The following MYOM2 variants were observed in gnomAD, a reference collection of about 807,000 sequenced individuals.
The protein encoded by MYOM2 is myomesin 2.
Under a neutral mutation model 187.6 loss-of-function variants are expected in MYOM2, and 254 were observed. The ratio of observed to expected loss-of-function variants is 1.35; its 90% CI spans 1.22 to 1.50. The LOEUF (loss-of-function observed/expected upper bound fraction) is 1.50. Among genes scored for constraint, MYOM2 ranks in the 40% most tolerant of loss-of-function variants. The pLI is 0.00. For synonymous variants in MYOM2, 981 were observed against 753.8 expected (o/e 1.30, Z -4.94); for missense variants, 2,796 against 1,924.0 (o/e 1.45, Z -8.48).
chr8:2,109,616 T>G, intron 25 of MYOM2, 85 bp downstream of exon 25: 4 of 1,402,148 alleles, frequency 2.9e-6, no homozygotes, highest in South Asian at 1.4e-5. Flanking sequence ...CAACATTCTC[T>G]GTCTGTTTCC....
Position 2,078,755 on chromosome 8 carries a change from T to C in MYOM2, c.1284T>C (p.Asn428=), listed in dbSNP as rs766354960. ...FVDRCEVGTN[N]WVQCNDAPVK... is the part of the protein sequence containing the mutation. Reference sequence around the variant, plus strand: ...GAAGATGTGAAGTAGGAACGAATAATTGGGTGCAGTGCAATGATGCACCGG... The same window carrying C: ...GAAGATGTGAAGTAGGAACGAATAACTGGGTGCAGTGCAATGATGCACCGG... The change falls in exon 12 of 37, where the codon AAT becomes AAC. Residue 428 remains asparagine (N), a synonymous_variant. Transcript: ENST00000262113. 7 of 1,614,082 alleles carry C rather than the reference T, an allele frequency of 4.3e-6. No individual in the cohort carries two copies. The African/African-American group carries it at 8.0e-5, about 18-fold the overall frequency.
In MYOM2 at chr8:2,080,826, A is replaced by G. The variant is rs534610070; in HGVS notation, c.1516+1213A>G. ...GAGGTTGGTTCTGGCCTCCGGGAGG[A>G]ACAGGCAGCCCAGCCCGTGTAGAAT... On this transcript the variant is annotated intron_variant, in intron 13 of 36. Coordinates refer to ENST00000262113, the MANE Select transcript of MYOM2 (RefSeq NM_003970.4). 3.5e-5 allele frequency among the ~76,000 whole-genome samples: 5 copies of G among 144,000 alleles called. No homozygotes were observed. The South Asian group carries it at 6.3e-4, about 18-fold the overall frequency. 94.5% of individuals were successfully genotyped at this position (144,000 alleles called of 152,430 possible). A position where few individuals can be genotyped will look rare whatever the true frequency, so the allele number is the denominator to read the frequency against.
chr8:2,045,901 A>T (rs1037880831), intron 1 of MYOM2, among the ~76,000 whole-genome samples: 1 of 152,280 alleles, frequency 6.6e-6, no homozygotes, highest in Non-Finnish European at 1.5e-5. Context: ...GGGGTTTGCC[A>T]TCACTGGGAA....
At chr8:2,139,281 A>G (rs1798193504) in intron 32 of MYOM2, among the ~76,000 whole-genome samples, 1 of 152,152 alleles carries the variant, frequency 6.6e-6, no homozygotes, top group Non-Finnish European at 1.5e-5. Context: ...AGCTGAGACT[A>G]CAGGTGCTTG....
At chr8:2,119,692 G>T (rs1437039234) in intron 28 of MYOM2, among the ~76,000 whole-genome samples, 1 of 152,124 alleles carries the variant, frequency 6.6e-6, no homozygotes, top group African/African-American at 2.4e-5. Context: ...TTTCCTTCTG[G>T]ATGGAGACGC....
In MYOM2 at chr8:2,069,490, G is replaced by T. The variant is rs1266574442; in HGVS notation, c.786G>T (p.Pro262=). ...DEEPFRSVGL[P]IGLPLSSMIP... ...AACCATTCCGTTCGGTGGGACTCCC[G>T]ATTGGATGTAAGTGGGTTTTTGTTT... Residue 262 remains proline (P), a synonymous_variant, in exon 8 of 37, where the codon CCG becomes CCT. Coordinates refer to ENST00000262113, the MANE Select transcript of MYOM2 (RefSeq NM_003970.4). The T allele has an allele frequency of 6.2e-7, 1 of 1,614,064 alleles. No individual in the cohort carries two copies. Among genetic ancestry groups the T allele is most frequent in the Admixed American group, 1.7e-5 (1 of 60,010 alleles).
chr8:2,050,875 T>G lies in MYOM2; in HGVS notation c.107+2T>G, dbSNP rs992064939. The G allele has an allele frequency of 3.6e-5, 58 of 1,604,872 alleles. No homozygotes were observed. Among genetic ancestry groups the G allele is most frequent in the Non-Finnish European group, 4.4e-5 (51 of 1,172,122 alleles). On this transcript the variant is annotated splice_donor_variant, in intron 2 of 36. Coordinates refer to ENST00000262113, the MANE Select transcript of MYOM2 (RefSeq NM_003970.4). LOFTEE classifies it high-confidence loss of function. ...GCTGGACGAATATGCGTCAAAAAAGTAAGCTGACATTCGCTGATGAGACGC... is the reference window on the plus strand; with the variant it reads ...GCTGGACGAATATGCGTCAAAAAAGGAAGCTGACATTCGCTGATGAGACGC...
chr8:2,126,992 G>T, intron 31 of MYOM2, among the ~76,000 whole-genome samples: 1 of 149,936 alleles, frequency 6.7e-6, no homozygotes, highest in Non-Finnish European at 1.5e-5. Flanking sequence ...GAGGCTGGGG[G>T]AGCACTGGGA....
At chr8:2,064,721 G>C (rs1168776883) in intron 6 of MYOM2, among the ~76,000 whole-genome samples, 1 of 152,230 alleles carries the variant, frequency 6.6e-6, no homozygotes, top group Non-Finnish European at 1.5e-5. Context: ...GGGAGAGGCT[G>C]CTGGCTGGCG....
Position 2,109,487 on chromosome 8 carries a change from A to G in MYOM2, c.3136A>G (p.Ser1046Gly), listed in dbSNP as rs1238902741. Residue 1046 changes from serine to glycine, a missense_variant, in exon 25 of 37, where the codon AGC (serine) becomes GGC (glycine). Ser to Gly is a moderately conservative substitution (Grantham distance 56). Coordinates refer to ENST00000262113, the MANE Select transcript of MYOM2 (RefSeq NM_003970.4). ...GGCTGAGCACTTATCACCAGATGCC[A>G]GCTACCGATTTATTATTAACGACAG... ...LQAEHLSPDASYRFIINDREV... is the reference protein window; with the variant it reads ...LQAEHLSPDAGYRFIINDREV... 2 of 1,613,376 alleles carry G rather than the reference A, an allele frequency of 1.2e-6. No homozygotes were observed. Among genetic ancestry groups the G allele is most frequent in the Admixed American group, 1.7e-5 (1 of 59,890 alleles).
chr8:2,096,435 G>A lies in MYOM2; in HGVS notation c.2313+1G>A, dbSNP rs769494870. 4 of 1,613,650 alleles carry A rather than the reference G, an allele frequency of 2.5e-6. No homozygotes were observed. Among genetic ancestry groups the A allele is most frequent in the Admixed American group, 1.7e-5 (1 of 59,954 alleles). On this transcript the variant is annotated splice_donor_variant, in intron 18 of 36. Transcript: ENST00000262113. LOFTEE classifies it high-confidence loss of function. ...ACCCAGCAAACCGACAATCCTAACG[G>A]TCAGTTGGTTTTTATTCCTTCGTCT...
intron 3 of MYOM2, among the ~76,000 whole-genome samples, chr8:2,054,149 G>A (rs1229790952): frequency 4.6e-5 from 7 of 152,148 alleles, no homozygotes; most frequent in East Asian, 3.9e-4. Flanking sequence ...ACCTCCCAAC[G>A]TGGATATTAG....
At chr8:2,117,781 T>TAC (rs1797297050) in intron 27 of MYOM2, 104 bp from the exon 28 acceptor site, 1 of 693,866 alleles carries the variant, frequency 1.4e-6, no homozygotes, top group Admixed American at 3.1e-5. Flanking sequence ...GTATTATATA[T>TAC]ACACACCATG....
Position 2,140,708 on chromosome 8 carries a change from G to T in MYOM2, c.3801-15G>T. On this transcript the variant is annotated splice_polypyrimidine_tract_variant and intron_variant, in intron 32 of 36. Transcript: ENST00000262113. ...GAGACCCTAACTCAGATACGTTCCT[G>T]TTGCTCTTTTCAAGAGATGCTAAGA... is the stretch of plus-strand genomic sequence containing the variant. 2 of 1,613,014 alleles carry T rather than the reference G, an allele frequency of 1.2e-6. No individual in the cohort carries two copies. The highest frequency in any genetic ancestry group is 8.5e-7 in the Non-Finnish European group (1 of 1,179,382).
Position 2,140,706 on chromosome 8 carries a change from C to A in MYOM2, c.3801-17C>A. On this transcript the variant is annotated splice_polypyrimidine_tract_variant and intron_variant, in intron 32 of 36. Transcript: ENST00000262113. ...TGGAGACCCTAACTCAGATACGTTC[C>A]TGTTGCTCTTTTCAAGAGATGCTAA... 6.2e-7 allele frequency: 1 copy of A among 1,612,732 alleles called. No homozygotes were observed. The highest frequency in any genetic ancestry group is 1.7e-5 in the Admixed American group (1 of 59,850).
At chr8:2,045,480 C>T (rs1314694240) in intron 1 of MYOM2, among the ~76,000 whole-genome samples, 1 of 152,208 alleles carries the variant, frequency 6.6e-6, no homozygotes, top group Non-Finnish European at 1.5e-5. Context: ...AGGGGGCCCC[C>T]CAGTCAGTGG....
intron 6 of MYOM2, among the ~76,000 whole-genome samples, chr8:2,065,306 C>G (rs1031308203): frequency 6.6e-6 from 1 of 152,174 alleles, no homozygotes; most frequent in Non-Finnish European, 1.5e-5. Flanking sequence ...CACGGTGGCT[C>G]ATGCCTGTAA....
In MYOM2 at chr8:2,120,675, T is replaced by TATTTCCTG. The variant is rs1220891042; in HGVS notation, c.3454-2577_3454-2576insATTTCCTG. 1.4e-4 allele frequency among the ~76,000 whole-genome samples: 6 copies of TATTTCCTG among 41,432 alleles called. 2 individuals are homozygous for TATTTCCTG. The highest frequency in any genetic ancestry group is 4.1e-4 in the African/African-American group (6 of 14,770). 27.2% of individuals were successfully genotyped at this position (41,432 alleles called of 152,430 possible). A position where few individuals can be genotyped will look rare whatever the true frequency, so the allele number is the denominator to read the frequency against. On this transcript the variant is annotated intron_variant, in intron 28 of 36. Coordinates refer to ENST00000262113, the MANE Select transcript of MYOM2 (RefSeq NM_003970.4). ...GATTTCCTGTATATATATATATATA[T>TATTTCCTG]TATATTATATATAAATATATAATAT...
At chr8:2,049,059 G>C (rs1818399455) in intron 1 of MYOM2, among the ~76,000 whole-genome samples, 1 of 152,158 alleles carries the variant, frequency 6.6e-6, no homozygotes, top group South Asian at 2.1e-4. Flanking sequence ...CCAAAGTGCT[G>C]GGTTTACAGG....
Sources: gnomAD v4.1 joint callset for allele counts (sites outside exome capture counted in the v4.1 genomes callset) on GRCh38, gnomAD v4.1.1 for gene constraint, MANE v1.5 for transcripts, NCBI Gene and HGNC (gene_info 2026-07-23, HGNC 2026-07-21) for gene names.